Variants in MAP1B observed in about 807,000 individuals in gnomAD.
MAP1B encodes microtubule associated protein 1B, also known as microtubule-associated protein 1B.
A neutral mutation model predicts 176.1 loss-of-function variants in MAP1B; 12 were observed. The ratio of observed to expected loss-of-function variants is 0.07; its 90% CI spans 0.04 to 0.11. The LOEUF (loss-of-function observed/expected upper bound fraction) is 0.11. MAP1B is among the 10% of genes least tolerant of loss of function. The pLI, the probability that MAP1B is intolerant of heterozygous loss-of-function variation, is 1.00. For missense variants in MAP1B, 2,523 were observed against 2,990.5 expected (o/e 0.84, Z 3.65); for synonymous variants, 1,044 against 1,135.0 (o/e 0.92, Z 1.61).
In MAP1B at chr5:72,194,572, T is replaced by C. The variant is rs971957381; in HGVS notation, c.1217T>C (p.Ile406Thr). The part of the protein sequence containing the change: ...EPLFRSVGNT[I>T]DPVILFQKMG... ...CTGTTTAGAAGTGTAGGCAATACTA[T>C]TGATCCTGTCATTCTTTTCCAAAAA... is the stretch of plus-strand genomic sequence containing the variant. The change falls in exon 5 of 7, where the codon ATT (isoleucine) becomes ACT (threonine). Residue 406 changes from isoleucine (I) to threonine (T), a missense_variant. By Grantham distance (89) the Ile-to-Thr change is moderately conservative. Transcript: ENST00000296755. This position sits in a 1 kb window ranked among gnomAD's most constrained non-coding sequence, Gnocchi z 7.2. The C allele has an allele frequency of 5.0e-6, 8 of 1,614,020 alleles. No individual in the cohort carries two copies. Among genetic ancestry groups the C allele is most frequent in the Middle Eastern group, 1.6e-4 (1 of 6,084 alleles).
chr5:72,145,298 A>G (rs1746024742), intron 2 of MAP1B, among the ~76,000 whole-genome samples: 1 of 152,080 alleles, frequency 6.6e-6, no homozygotes, highest in Non-Finnish European at 1.5e-5. Context: ...AAAATACGAA[A>G]CCTCAGAGGA....
In MAP1B at chr5:72,207,294, G is replaced by A. The variant is rs1369579952; in HGVS notation, c.*2055G>A. 5.3e-5 allele frequency: 8 copies of A among 152,042 alleles called. No individual in the cohort carries two copies. The highest frequency in any genetic ancestry group is 1.2e-4 in the Non-Finnish European group (8 of 68,006). 9.4% of individuals were successfully genotyped at this position (152,042 alleles called of 1,614,324 possible). A position where few individuals can be genotyped will look rare whatever the true frequency, so the allele number is the denominator to read the frequency against. On this transcript the variant is annotated 3_prime_UTR_variant, in exon 7 of 7. Transcript: ENST00000296755. The stretch of plus-strand genomic sequence containing the variant: ...TAAGATCTACGGAGTAGAGAACAAT[G>A]ACCTCATTTTATTTTCTATGTTAGT...
At chr5:72,181,182 T>TTGTTGGTAAA (rs1284475188) in intron 2 of MAP1B, among the ~76,000 whole-genome samples, 1 of 152,184 alleles carries the variant, frequency 6.6e-6, no homozygotes, top group East Asian at 1.9e-4. Flanking sequence ...GATGTGGGGT[T>TTGTTGGTAAA]TGTTGGTAAA....
intron 2 of MAP1B, among the ~76,000 whole-genome samples, chr5:72,160,773 A>G (rs1304284823): frequency 6.6e-6 from 1 of 152,232 alleles, no homozygotes; most frequent in Non-Finnish European, 1.5e-5. Flanking sequence ...CTCAGGGACC[A>G]GAATCCTCAT....
At chr5:72,191,840 GT>G (rs1440570711) in intron 4 of MAP1B, among the ~76,000 whole-genome samples, 1 of 152,114 alleles carries the variant, frequency 6.6e-6, no homozygotes, top group African/African-American at 2.4e-5. Context: ...ATCTTGTTTT[GT>G]TTTGGGGTCA....
Position 72,170,741 on chromosome 5 carries a change from C to T in MAP1B, c.287-13002C>T, listed in dbSNP as rs139411966. Among the ~76,000 whole-genome samples, 516 of 152,222 alleles carry T rather than the reference C, an allele frequency of 3.4e-3. 8 individuals are homozygous for T. The highest frequency in any genetic ancestry group is 0.012 in the African/African-American group (488 of 41,532). ...CTGGGAGGCTGAGGTGGGTGGATCACCTGAGGTCAGGAGTTCGAGACCAGT... is the reference window on the plus strand; with the variant it reads ...CTGGGAGGCTGAGGTGGGTGGATCATCTGAGGTCAGGAGTTCGAGACCAGT... On this transcript the variant is annotated intron_variant, in intron 2 of 6. Transcript: ENST00000296755.
At chr5:72,126,340 C>T (rs1341538820) in intron 2 of MAP1B, among the ~76,000 whole-genome samples, 5 of 152,186 alleles carry the variant, frequency 3.3e-5, no homozygotes, top group Non-Finnish European at 5.9e-5. Context: ...TTCTGCCAGC[C>T]ATTAGTTCTG....
chr5:72,199,472 A>C lies in MAP1B; in HGVS notation c.6117A>C (p.Thr2039=). 2 of 1,614,166 alleles carry C rather than the reference A, an allele frequency of 1.2e-6. No homozygotes were observed. The highest frequency in any genetic ancestry group is 1.7e-6 in the Non-Finnish European group (2 of 1,180,032). ...TKTTRTPDTS[T]YCYETAEKIT... ...CAACACGAACCCCTGATACTTCCAC[A>C]TACTGTTACGAGACTGCAGAGAAAA... Residue 2039 remains threonine (T), a synonymous_variant, in exon 5 of 7, where the codon ACA becomes ACC. Coordinates refer to ENST00000296755, the MANE Select transcript of MAP1B (RefSeq NM_005909.5). This position sits in a 1 kb window ranked among gnomAD's most constrained non-coding sequence, Gnocchi z 4.2.
chr5:72,181,461 C>T (rs538377304), intron 2 of MAP1B, among the ~76,000 whole-genome samples: 3 of 152,092 alleles, frequency 2.0e-5, no homozygotes, highest in East Asian at 1.9e-4. Flanking sequence ...TTTTAAGTCG[C>T]GATAAAATAT....
Position 72,195,868 on chromosome 5 carries a change from A to C in MAP1B, c.2513A>C (p.Lys838Thr), listed in dbSNP as rs1304566531. 6.2e-7 allele frequency: 1 copy of C among 1,614,248 alleles called. No individual in the cohort carries two copies. Among genetic ancestry groups the C allele is most frequent in the Non-Finnish European group, 8.5e-7 (1 of 1,180,038 alleles). Residue 838 changes from lysine (K) to threonine (T), a missense_variant, in exon 5 of 7, where the codon AAG becomes ACG. By Grantham distance (78) the Lys-to-Thr change is moderately conservative. Around this residue, in one of 4 missense-constraint regions of MAP1B, gnomAD observed 1,925 missense variants for 2,126.0 expected, o/e 0.91. Coordinates refer to ENST00000296755, the MANE Select transcript of MAP1B (RefSeq NM_005909.5). ...ATGTCATCTCCTGAGGATCTAACCA[A>C]GGACTTTGAAGAGTTAAAGGCTGAA... ...SLMSSPEDLT[K>T]DFEELKAEEV...
At chr5:72,173,692 T>C (rs560766440) in intron 2 of MAP1B, among the ~76,000 whole-genome samples, 4 of 152,340 alleles carry the variant, frequency 2.6e-5, no homozygotes, top group African/African-American at 9.6e-5. Flanking sequence ...GGGATTATTC[T>C]ATAACATTCT....
At chr5:72,189,523 T>C (rs1746981144) in intron 4 of MAP1B, among the ~76,000 whole-genome samples, 1 of 152,136 alleles carries the variant, frequency 6.6e-6, no homozygotes, top group Admixed American at 6.5e-5. Flanking sequence ...TCAAACTTGT[T>C]CCTCTGTCAA....
intron 2 of MAP1B, among the ~76,000 whole-genome samples, chr5:72,144,322 G>A (rs1746006567): frequency 6.6e-6 from 1 of 152,206 alleles, no homozygotes. Flanking sequence ...TCTTTGAGCT[G>A]TAAGTGCTTT....
chr5:72,118,670 A>T (rs780185509), intron 2 of MAP1B, among the ~76,000 whole-genome samples: 1 of 151,986 alleles, frequency 6.6e-6, no homozygotes, highest in Non-Finnish European at 1.5e-5. Flanking sequence ...CTGGTCTTAA[A>T]CTCCTGGGCT....
intron 4 of MAP1B, among the ~76,000 whole-genome samples, chr5:72,188,995 T>C (rs563732195): frequency 6.6e-6 from 1 of 152,298 alleles, no homozygotes; most frequent in South Asian, 2.1e-4. Context: ...GAAAAATGGT[T>C]GAGTAACTGA....
At chr5:72,175,797 C>A (rs17301780) in intron 2 of MAP1B, among the ~76,000 whole-genome samples, 5,830 of 152,198 alleles carry the variant, frequency 0.038, 180 homozygotes, top group South Asian at 0.073. Flanking sequence ...CCACAAGGTC[C>A]AGGAAGTATA....
chr5:72,132,808 AT>A (rs2112143717), intron 2 of MAP1B, among the ~76,000 whole-genome samples: 1 of 152,222 alleles, frequency 6.6e-6, no homozygotes, highest in South Asian at 2.1e-4. Context: ...TTTCCACCAA[AT>A]CTCAAGACAG....
At chr5:72,154,774 G>A (rs963592231) in intron 2 of MAP1B, among the ~76,000 whole-genome samples, 3 of 152,230 alleles carry the variant, frequency 2.0e-5, no homozygotes, top group Admixed American at 2.0e-4. Context: ...AGTAGGCACT[G>A]AGCATCTCAC....
intron 2 of MAP1B, among the ~76,000 whole-genome samples, chr5:72,142,121 A>T (rs1745958689): frequency 6.6e-6 from 1 of 152,214 alleles, no homozygotes; most frequent in Non-Finnish European, 1.5e-5. Flanking sequence ...CCACCCAGTG[A>T]CAGTTTGGTG....
Sources: allele counts gnomAD v4.1 joint callset (sites outside exome capture counted in the v4.1 genomes callset), GRCh38; gene constraint gnomAD v4.1.1; regional missense constraint gnomAD v4.1.1; non-coding constraint Gnocchi (gnomAD v3.1); transcripts MANE v1.5; gene names NCBI Gene and HGNC (gene_info 2026-07-23, HGNC 2026-07-21).